The following GPR107 variants were observed in gnomAD, a reference collection of about 807,000 sequenced individuals.
The protein encoded by GPR107 is protein GPR107.
A neutral mutation model predicts 75.5 loss-of-function variants in GPR107; 31 were observed. The observed-to-expected ratio is 0.41, with a 90% CI of 0.31 to 0.55. The LOEUF is 0.55. GPR107 is among the 20% of genes least tolerant of loss of function. The probability of loss-of-function intolerance (pLI) is 0.26; values close to 1 mark genes in which losing one functional copy is unlikely to be tolerated. For missense variants in GPR107, 572 were observed against 665.7 expected (o/e 0.86, Z 1.55); for synonymous variants, 267 against 251.3 (o/e 1.06, Z -0.59).
intron 1 of GPR107, among the ~76,000 whole-genome samples, chr9:130,072,596 C>T (rs574279201): frequency 9.9e-5 from 15 of 152,172 alleles, no homozygotes; most frequent in Non-Finnish European, 1.9e-4. Flanking sequence ...CATGAGCCAT[C>T]GTGCCCAGCC....
chr9:130,064,492 G>A (rs1438286162), intron 1 of GPR107, among the ~76,000 whole-genome samples: 5 of 152,214 alleles, frequency 3.3e-5, no homozygotes, highest in South Asian at 2.1e-4. Flanking sequence ...GAGCCACCGC[G>A]CCCGGCCAAA....
intron 1 of GPR107, among the ~76,000 whole-genome samples, chr9:130,060,070 AGGTTG>A (rs1200730002): frequency 6.8e-6 from 1 of 147,494 alleles, no homozygotes; most frequent in African/African-American, 2.5e-5. Flanking sequence ...TTTCGGGGGG[AGGTTG>A]GGGGGCGCAC....
chr9:130,125,333 C>T (rs1448302901), intron 15 of GPR107, among the ~76,000 whole-genome samples: 3 of 151,672 alleles, frequency 2.0e-5, no homozygotes, highest in East Asian at 1.9e-4. Flanking sequence ...CCACCCGCCT[C>T]GGCCTCCCAG....
At chr9:130,066,782 G>A (rs1044479002) in intron 1 of GPR107, among the ~76,000 whole-genome samples, 5 of 152,048 alleles carry the variant, frequency 3.3e-5, no homozygotes, top group African/African-American at 7.2e-5. Context: ...TCAGGAGATC[G>A]AGACCATCCT....
At chr9:130,125,090 C>CTT (rs11461385) in intron 15 of GPR107, 126 bp downstream of exon 15, 104,506 of 157,380 alleles carry the variant, frequency 0.66, 39,647 homozygotes, top group Admixed American at 0.89. Flanking sequence ...GTGTGGCTTG[C>CTT]TTTTTTTTTT....
chr9:130,128,022 C>T (rs918184315), intron 16 of GPR107, among the ~76,000 whole-genome samples: 4 of 152,156 alleles, frequency 2.6e-5, no homozygotes, highest in Admixed American at 2.6e-4. Context: ...CTCTTCTGGC[C>T]TATAATTGAG....
intron 1 of GPR107, among the ~76,000 whole-genome samples, chr9:130,072,540 C>T (rs987166497): frequency 2.0e-5 from 3 of 152,092 alleles, no homozygotes; most frequent in Non-Finnish European, 4.4e-5. Flanking sequence ...CTCTTGACCT[C>T]AGGTGATCTG....
Position 130,100,637 on chromosome 9 carries a change from C to T in GPR107, c.948C>T (p.Tyr316=), listed in dbSNP as rs1831001375. Residue 316 remains tyrosine (Y), a synonymous_variant, in exon 11 of 18, where the codon TAC becomes TAT. Coordinates refer to ENST00000347136, the MANE Select transcript of GPR107 (RefSeq NM_020960.5). ...SLSLVFHAID[Y]HYISSQGFPI... ...CAGTTGTTTGATTTCAGATTGACTA[C>T]CACTACATCTCCTCCCAGGGCTTCC... 2 of 1,610,534 alleles carry T rather than the reference C, an allele frequency of 1.2e-6. No homozygotes were observed. Among genetic ancestry groups the T allele is most frequent in the African/African-American group, 2.7e-5 (2 of 74,992 alleles).
rs200514195 is a variant in GPR107 at position 130,113,350 on chromosome 9, A to C, written c.1306+5811A>C. Among the ~76,000 whole-genome samples, 3 of 148,542 alleles carry C rather than the reference A, an allele frequency of 2.0e-5. No homozygotes were observed. In the East Asian group the frequency reaches 5.9e-4, roughly 29 times the overall value. On this transcript the variant is annotated intron_variant, in intron 14 of 17. Coordinates refer to ENST00000347136, the MANE Select transcript of GPR107 (RefSeq NM_020960.5). ...TGGGCTCAAGTGAGCCTCCCACTGC[A>C]GCCTCCTGAGTAGGTGGGACTACAG...
At chr9:130,088,687 A>G (rs906268710) in intron 7 of GPR107, among the ~76,000 whole-genome samples, 1 of 152,102 alleles carries the variant, frequency 6.6e-6, no homozygotes, top group African/African-American at 2.4e-5. Flanking sequence ...TCTTTTACCA[A>G]TGAGAAACTG....
chr9:130,075,785 T>A, intron 2 of GPR107, 36 bp downstream of exon 2: 2 of 241,522 alleles, frequency 8.3e-6, no homozygotes, highest in South Asian at 1.1e-4. Context: ...GGGTTTACTC[T>A]TTTTTTTTTT....
In GPR107 at chr9:130,100,609, A is replaced by G; in HGVS notation, c.940-20A>G. The G allele has an allele frequency of 6.4e-7, 1 of 1,564,014 alleles. No homozygotes were observed. The highest frequency in any genetic ancestry group is 8.8e-7 in the Non-Finnish European group (1 of 1,134,318). ...CATGTAGATAATGAGTGATTCTGAAATGCAGTTGTTTGATTTCAGATTGAC... is the reference window on the plus strand; with the variant it reads ...CATGTAGATAATGAGTGATTCTGAAGTGCAGTTGTTTGATTTCAGATTGAC... On this transcript the variant is annotated intron_variant, in intron 10 of 17. Transcript: ENST00000347136.
At position 130,104,518 on chromosome 9, in the gene GPR107, G is replaced by A. The variant is rs1831116009; in HGVS notation, c.1230G>A (p.Leu410=). The change falls in exon 13 of 18, where the codon TTG becomes TTA. Residue 410 remains leucine (L), a synonymous_variant. Coordinates refer to ENST00000347136, the MANE Select transcript of GPR107 (RefSeq NM_020960.5). ...WKDSLFLVDL[L]CCGAILFPVV... ...ACTCTCTATTTCTGGTCGACCTGTT[G>A]TGTTGTGGTGCCATCCTCTTCCCAG... 2 of 1,613,916 alleles carry A rather than the reference G, an allele frequency of 1.2e-6. No individual in the cohort carries two copies. Among genetic ancestry groups the A allele is most frequent in the Non-Finnish European group, 1.7e-6 (2 of 1,179,786 alleles).
At chr9:130,076,508 A>G (rs774520099) in intron 3 of GPR107, 46 bp downstream of exon 3, 22 of 1,204,972 alleles carry the variant, frequency 1.8e-5, no homozygotes, top group Non-Finnish European at 2.7e-5. Flanking sequence ...ACCTGAGCCC[A>G]GGCCATTGAA....
intron 1 of GPR107, among the ~76,000 whole-genome samples, chr9:130,056,087 GTGAATTT>G (rs2132525552): frequency 6.6e-6 from 1 of 151,786 alleles, no homozygotes; most frequent in South Asian, 2.1e-4. Context: ...GGTGGGGCAA[GTGAATTT>G]TGACTCTTTG....
intron 17 of GPR107, among the ~76,000 whole-genome samples, chr9:130,132,043 A>G (rs1233806751): frequency 2.0e-5 from 3 of 152,116 alleles, no homozygotes; most frequent in African/African-American, 7.2e-5. Flanking sequence ...CACCATGCCC[A>G]GCTAATGTTT....
intron 17 of GPR107, among the ~76,000 whole-genome samples, chr9:130,133,423 G>A (rs557972078): frequency 5.0e-4 from 76 of 152,306 alleles, no homozygotes; most frequent in Non-Finnish European, 8.2e-4. Context: ...GTGATTACTG[G>A]AGTGTTTCTG....
intron 14 of GPR107, 78 bp downstream of exon 14, chr9:130,107,617 G>A (rs1303241513): frequency 3.2e-6 from 3 of 929,732 alleles, no homozygotes; most frequent in Admixed American, 1.7e-5. Context: ...AGGAGTGGAG[G>A]CAGCCTATGG....
chr9:130,087,825 A>AAAAAAAAAAAAAAAAAAAG (rs1830650552), intron 7 of GPR107, among the ~76,000 whole-genome samples: 2 of 140,724 alleles, frequency 1.4e-5, no homozygotes, highest in Admixed American at 1.4e-4. Context: ...AAAAAAAAAA[A>AAAAAAAAAAAAAAAAAAAG]GCCTACAGTG....
Sources: allele counts gnomAD v4.1 joint callset (sites outside exome capture counted in the v4.1 genomes callset), GRCh38; gene constraint gnomAD v4.1.1; transcripts MANE v1.5; gene names NCBI Gene and HGNC (gene_info 2026-07-23, HGNC 2026-07-21).